Variants in DIP2C observed in about 807,000 individuals in gnomAD.
The protein encoded by DIP2C is disco-interacting protein 2 homolog C.
Under a neutral mutation model 192.4 loss-of-function variants are expected in DIP2C, and 33 were observed. The ratio of observed to expected loss-of-function variants is 0.17; its 90% confidence interval spans 0.13 to 0.23. DIP2C has a LOEUF of 0.23. DIP2C is among the 10% of genes least tolerant of loss of function. The pLI is 1.00. For synonymous variants in DIP2C, 979 were observed against 864.1 expected (o/e 1.13, Z -2.33); for missense variants, 1,537 against 2,110.1 (o/e 0.73, Z 5.32).
chr10:538,028 G>A lies in DIP2C; in HGVS notation c.86-51498C>T, dbSNP rs373504105. ...TGGTCTTGAACTCCTGGCCTCAAGC[G>A]ATCTGCTGCCTCGGCCTCCCAAAAG... On this transcript the variant is annotated intron_variant, in intron 1 of 36. Transcript: ENST00000280886. Among the ~76,000 whole-genome samples, 4 of 150,314 alleles carry A rather than the reference G, an allele frequency of 2.7e-5. No individual in the cohort carries two copies. In the Middle Eastern group the frequency reaches 0.011, roughly 414 times the overall value.
rs1564684840 is a variant in DIP2C, at chr10:417,697, TGCC to T, written c.739+1365_739+1367del. On this transcript the variant is annotated intron_variant, in intron 6 of 36. Transcript: ENST00000280886. The stretch of plus-strand genomic sequence containing the variant: ...TCGGATAGGCCTCCCTGTCCGCCTG[TGCC>T]TGTCGGCTCAAATAGGCCTCCCTGT... Among the ~76,000 whole-genome samples the T allele has an allele frequency of 1.1e-3, 40 of 37,932 alleles. 2 individuals are homozygous for T. The highest frequency in any genetic ancestry group is 1.6e-3 in the Admixed American group (5 of 3,210). 24.9% of individuals were successfully genotyped at this position (37,932 alleles called of 152,430 possible).
At chr10:389,557 C>T (rs1464959970) in intron 13 of DIP2C, among the ~76,000 whole-genome samples, 2 of 152,194 alleles carry the variant, frequency 1.3e-5, no homozygotes. Flanking sequence ...AGGGATGAAG[C>T]TCCACGGCGT....
chr10:437,628 T>TACATCTCATTCG (rs1967374601), intron 4 of DIP2C: 1 of 152,240 alleles, frequency 6.6e-6, no homozygotes, highest in South Asian at 2.1e-4. Context: ...TTTGTGCAGT[T>TACATCTCATTCG]TTACAGTTGT....
At chr10:378,389 A>C (rs915492565) in intron 17 of DIP2C, among the ~76,000 whole-genome samples, 2 of 152,242 alleles carry the variant, frequency 1.3e-5, no homozygotes, top group African/African-American at 2.4e-5. Flanking sequence ...GAAAACAGGC[A>C]TACACAGGTG....
At chr10:678,374 A>G (rs891840956) in intron 1 of DIP2C, among the ~76,000 whole-genome samples, 5 of 152,076 alleles carry the variant, frequency 3.3e-5, no homozygotes, top group Non-Finnish European at 5.9e-5. Context: ...AAAAAGAAAG[A>G]ATTTTTTAAA....
intron 29 of DIP2C, among the ~76,000 whole-genome samples, chr10:338,649 T>TACC (rs1453979433): frequency 6.6e-6 from 1 of 152,170 alleles, no homozygotes; most frequent in Non-Finnish European, 1.5e-5. Context: ...ATTTGGAACG[T>TACC]ACCCCCATGA....
intron 1 of DIP2C, among the ~76,000 whole-genome samples, chr10:587,134 G>A (rs1041813143): frequency 6.6e-6 from 1 of 150,560 alleles, no homozygotes; most frequent in Non-Finnish European, 1.5e-5. Context: ...AAACAGTGCA[G>A]GGTCTAAGGC....
chr10:423,919 C>T (rs1289726688), intron 4 of DIP2C, among the ~76,000 whole-genome samples: 2 of 152,326 alleles, frequency 1.3e-5, no homozygotes, highest in South Asian at 2.1e-4. Context: ...GTTTCTTATA[C>T]ATTCTCATTA....
chr10:518,451 T>C (rs1198375891), intron 1 of DIP2C, among the ~76,000 whole-genome samples: 2 of 152,238 alleles, frequency 1.3e-5, no homozygotes, highest in Non-Finnish European at 2.9e-5. Flanking sequence ...ACGCACAGGT[T>C]GAAATCCTCA....
chr10:291,305 C>T (rs1383164739), intron 32 of DIP2C, among the ~76,000 whole-genome samples: 1 of 152,190 alleles, frequency 6.6e-6, no homozygotes, highest in East Asian at 1.9e-4. Flanking sequence ...TCAAGAATTC[C>T]CTCTCTGGTT....
At chr10:372,263 CGG>C (rs1491372518) in intron 17 of DIP2C, among the ~76,000 whole-genome samples, 3 of 152,046 alleles carry the variant, frequency 2.0e-5, no homozygotes, top group Non-Finnish European at 4.4e-5. Context: ...TTAGTAGAGA[CGG>C]GGTTTCACCA....
intron 36 of DIP2C, among the ~76,000 whole-genome samples, chr10:280,584 G>A (rs749082497): frequency 1.3e-5 from 2 of 152,162 alleles, no homozygotes; most frequent in African/African-American, 2.4e-5. Context: ...CTGAATCTCC[G>A]GCAGCACCAT....
chr10:440,250 A>T, intron 4 of DIP2C, among the ~76,000 whole-genome samples: 1 of 152,374 alleles, frequency 6.6e-6, no homozygotes, highest in East Asian at 1.9e-4. Flanking sequence ...GGGTTGGCAC[A>T]TCTGTGCACC....
At chr10:370,951 G>A (rs1960878409) in intron 17 of DIP2C, among the ~76,000 whole-genome samples, 1 of 152,138 alleles carries the variant, frequency 6.6e-6, no homozygotes, top group South Asian at 2.1e-4. Context: ...CTAGATGTAA[G>A]AATCAAAAAG....
chr10:660,954 C>T (rs916328051), intron 1 of DIP2C, among the ~76,000 whole-genome samples: 6 of 152,220 alleles, frequency 3.9e-5, no homozygotes, highest in Non-Finnish European at 8.8e-5. Flanking sequence ...GTGCTAACAA[C>T]ACCTAGCCAA....
At chr10:615,316 A>C (rs1853384020) in intron 1 of DIP2C, among the ~76,000 whole-genome samples, 1 of 152,198 alleles carries the variant, frequency 6.6e-6, no homozygotes, top group African/African-American at 2.4e-5. Context: ...CAAATCACCA[A>C]GCACTGCATG....
At position 536,005 on chromosome 10, in the gene DIP2C, G is replaced by A. The variant is rs913400124; in HGVS notation, c.86-49475C>T. Reference sequence around the variant, plus strand: ...AAGAGTATTTTCAGATGGATGGTACGTCAGCTCCCCTGGGTTTCCATAACA... The same window carrying A: ...AAGAGTATTTTCAGATGGATGGTACATCAGCTCCCCTGGGTTTCCATAACA... On this transcript the variant is annotated intron_variant, in intron 1 of 36. Coordinates refer to ENST00000280886, the MANE Select transcript of DIP2C (RefSeq NM_014974.3). Among the ~76,000 whole-genome samples, 5 of 152,202 alleles carry A rather than the reference G, an allele frequency of 3.3e-5. No individual in the cohort carries two copies. The East Asian group carries it at 5.8e-4, about 18-fold the overall frequency.
intron 1 of DIP2C, among the ~76,000 whole-genome samples, chr10:564,697 T>C (rs1212361224): frequency 1.3e-5 from 2 of 152,130 alleles, no homozygotes; most frequent in Non-Finnish European, 2.9e-5. Context: ...AATGAGCCAA[T>C]ATGCCCGAAG....
At chr10:326,296 G>C (rs548284902) in intron 31 of DIP2C, among the ~76,000 whole-genome samples, 3 of 152,288 alleles carry the variant, frequency 2.0e-5, no homozygotes, top group Admixed American at 2.0e-4. Flanking sequence ...CTAACTCCAA[G>C]CACCTAGACA....
Sources: gnomAD v4.1 joint callset for allele counts (sites outside exome capture counted in the v4.1 genomes callset) on GRCh38, gnomAD v4.1.1 for gene constraint, MANE v1.5 for transcripts, NCBI Gene and HGNC (gene_info 2026-07-23, HGNC 2026-07-21) for gene names.